The following PRDM12 variants were observed in gnomAD, a reference collection of about 807,000 sequenced individuals.
The protein encoded by PRDM12 is PR domain zinc finger protein 12.
In PRDM12, 17 loss-of-function variants were observed where a neutral mutation model predicts 29.6. That is an observed-to-expected ratio of 0.57 (90% CI 0.39 to 0.86). The LOEUF (loss-of-function observed/expected upper bound fraction) is 0.86. Ranked by LOEUF, PRDM12 falls within the 40% of genes least tolerant of loss-of-function variation. The pLI is 0.00. For missense variants in PRDM12, 422 were observed against 510.8 expected (o/e 0.83, Z 1.68); for synonymous variants, 231 against 225.8 (o/e 1.02, Z -0.21).
Position 130,681,414 on chromosome 9 carries a change from G to A in PRDM12, c.849G>A (p.Ser283=). Residue 283 remains serine, a synonymous_variant, in exon 5 of 5, where the codon TCG becomes TCA. Transcript: ENST00000253008. The surrounding 1 kb of genome is among the most constrained non-coding windows in gnomAD (Gnocchi z 8.1). Reference sequence around the variant, plus strand: ...TCTGCAACCGCCGCTTCAGCCAGTCGTCCACGCTGCGCAACCACGTGCGCC... The same window carrying A: ...TCTGCAACCGCCGCTTCAGCCAGTCATCCACGCTGCGCAACCACGTGCGCC... ...CRFCNRRFSQ[S]STLRNHVRLH... 1.9e-6 allele frequency: 3 copies of A among 1,600,386 alleles called. No individual in the cohort carries two copies. In the African/African-American group the frequency reaches 4.1e-5, roughly 22 times the overall value.
intron 2 of PRDM12, among the ~76,000 whole-genome samples, chr9:130,667,538 C>CA (rs1830745309): frequency 2.0e-5 from 3 of 151,508 alleles, no homozygotes; most frequent in Admixed American, 2.0e-4. Flanking sequence ...CCAGCTCCCC[C>CA]CGGCGGACCC....
intron 3 of PRDM12, among the ~76,000 whole-genome samples, chr9:130,669,942 G>C (rs1161373453): frequency 2.0e-5 from 3 of 152,034 alleles, no homozygotes; most frequent in African/African-American, 7.2e-5. Flanking sequence ...AGGGCTTCCT[G>C]GTAGGGCAGT....
chr9:130,675,794 C>G (rs914979392), intron 3 of PRDM12, among the ~76,000 whole-genome samples: 2 of 152,178 alleles, frequency 1.3e-5, no homozygotes, highest in African/African-American at 4.8e-5. Context: ...GCAGGAACCC[C>G]CTGTGGGGTG....
At position 130,682,673 on chromosome 9, in the gene PRDM12, C is replaced by T. The variant is rs561548577; in HGVS notation, c.*1004C>T. On this transcript the variant is annotated 3_prime_UTR_variant, in exon 5 of 5. Coordinates refer to ENST00000253008, the MANE Select transcript of PRDM12 (RefSeq NM_021619.3). This position sits in a 1 kb window ranked among gnomAD's most constrained non-coding sequence, Gnocchi z 4.2. ...CAGTCTGCCCACACTTCCCTCGGTC[C>T]CTGCCCGTTTCCTCAAATTCGGGCC... The T allele has an allele frequency of 1.3e-5, 2 of 152,544 alleles. No individual in the cohort carries two copies. Among genetic ancestry groups the T allele is most frequent in the South Asian group, 2.1e-4 (1 of 4,826 alleles). The allele number at this position is 152,544 out of a possible 1,614,324, so 9.4% of individuals were successfully genotyped here.
At chr9:130,667,906 C>T (rs1049145360) in intron 2 of PRDM12, among the ~76,000 whole-genome samples, 24 of 152,164 alleles carry the variant, frequency 1.6e-4, no homozygotes, top group African/African-American at 5.8e-4. Context: ...AGGGAGGACA[C>T]GGCAACAGGA....
chr9:130,668,167 G>A lies in PRDM12; in HGVS notation c.424G>A (p.Glu142Lys). 1 of 1,614,172 alleles carries A rather than the reference G, an allele frequency of 6.2e-7. No individual in the cohort carries two copies. Among genetic ancestry groups the A allele is most frequent in the Non-Finnish European group, 8.5e-7 (1 of 1,180,026 alleles). The part of the protein sequence containing the change: ...NNNLMWEVFN[E>K]DGTVRYFIDA... ...ATCCATCTGTGCCCAGGTGTTCAATGAGGATGGCACGGTGCGCTACTTCAT... is the reference window on the plus strand; with the variant it reads ...ATCCATCTGTGCCCAGGTGTTCAATAAGGATGGCACGGTGCGCTACTTCAT... Residue 142 changes from glutamate (E) to lysine (K), a missense_variant, in exon 3 of 5, where the codon GAG (glutamate) becomes AAG (lysine). Physicochemically the swap from Glu to Lys is moderately conservative, Grantham distance 56. Around this residue, in one of 5 missense-constraint regions of PRDM12, gnomAD observed 300 missense variants for 350.0 expected, o/e 0.86. Coordinates refer to ENST00000253008, the MANE Select transcript of PRDM12 (RefSeq NM_021619.3). This position sits in a 1 kb window ranked among gnomAD's most constrained non-coding sequence, Gnocchi z 4.0.
intron 3 of PRDM12, among the ~76,000 whole-genome samples, chr9:130,678,289 T>C (rs941460225): frequency 1.3e-5 from 2 of 151,760 alleles, no homozygotes; most frequent in African/African-American, 4.8e-5. Context: ...AGCACTCCTG[T>C]GGCTGGAGCT....
intron 2 of PRDM12, among the ~76,000 whole-genome samples, chr9:130,667,639 C>T (rs547537207): frequency 2.0e-4 from 30 of 152,290 alleles, no homozygotes; most frequent in Admixed American, 7.2e-4. Context: ...CCACTAACCA[C>T]CTTCTCCAGT....
intron 4 of PRDM12, among the ~76,000 whole-genome samples, chr9:130,680,659 A>ATATATATT: frequency 2.2e-3 from 162 of 72,076 alleles, no homozygotes; most frequent in Non-Finnish European, 2.8e-3. Flanking sequence ...ATATATATAT[A>ATATATATT]TTTTTTTTTT....
Position 130,678,630 on chromosome 9 carries a change from G to T in PRDM12, c.672G>T (p.Lys224Asn). ...CCGGGCTAGAGGAGGACCAGAAAAAGAACAAGCATGGTAGGTGTTCCCCAT... is the reference window on the plus strand; with the variant it reads ...CCGGGCTAGAGGAGGACCAGAAAAATAACAAGCATGGTAGGTGTTCCCCAT... ...GVPGLEEDQK[K>N]NKHEDFHPAD... Residue 224 changes from lysine to asparagine, a missense_variant, in exon 4 of 5, where the codon AAG becomes AAT. By Grantham distance (94) the Lys-to-Asn change is moderately conservative. Coordinates refer to ENST00000253008, the MANE Select transcript of PRDM12 (RefSeq NM_021619.3). The T allele has an allele frequency of 1.2e-6, 2 of 1,608,392 alleles. No homozygotes were observed. The highest frequency in any genetic ancestry group is 1.7e-6 in the Non-Finnish European group (2 of 1,175,190).
At chr9:130,677,616 C>T (rs1830854930) in intron 3 of PRDM12, among the ~76,000 whole-genome samples, 1 of 152,240 alleles carries the variant, frequency 6.6e-6, no homozygotes, top group South Asian at 2.1e-4. Context: ...TCCCTTCTCT[C>T]ATACGCCCTG....
intron 3 of PRDM12, among the ~76,000 whole-genome samples, chr9:130,674,046 G>GA (rs1830814052): frequency 1.2e-5 from 1 of 85,830 alleles, no homozygotes; most frequent in Admixed American, 1.9e-4. Context: ...ACAGAGTCTT[G>GA]CTCTGTCTCC....
chr9:130,670,974 A>C (rs1281230728), intron 3 of PRDM12, among the ~76,000 whole-genome samples: 6 of 152,248 alleles, frequency 3.9e-5, no homozygotes. Context: ...AGGCTGAAGA[A>C]TATCTTCAGG....
At chr9:130,680,651 A>ATT (rs1230089605) in intron 4 of PRDM12, among the ~76,000 whole-genome samples, 1 of 80,176 alleles carries the variant, frequency 1.2e-5, no homozygotes, top group Non-Finnish European at 2.2e-5. Context: ...ATATATATAT[A>ATT]TATATATATT....
chr9:130,681,275 C>T lies in PRDM12; in HGVS notation c.710C>T (p.Ala237Val). The part of the protein sequence containing the change: ...HEDFHPADSA[A>V]GPAGRMRCVI... ...GACTTCCACCCGGCGGACTCGGCGGCTGGCCCCGCGGGCCGCATGCGATGC... is the reference window on the plus strand; with the variant it reads ...GACTTCCACCCGGCGGACTCGGCGGTTGGCCCCGCGGGCCGCATGCGATGC... The change falls in exon 5 of 5, where the codon GCT (alanine) becomes GTT (valine). Residue 237 changes from alanine (A) to valine (V), a missense_variant. Ala to Val is a moderately conservative substitution (Grantham distance 64, BLOSUM62 0). Around this residue, in one of 5 missense-constraint regions of PRDM12, gnomAD observed 300 missense variants for 350.0 expected, o/e 0.86. Transcript: ENST00000253008. This position sits in a 1 kb window ranked among gnomAD's most constrained non-coding sequence, Gnocchi z 8.1. 1.4e-6 allele frequency: 2 copies of T among 1,480,298 alleles called. No homozygotes were observed. Among genetic ancestry groups the T allele is most frequent in the Non-Finnish European group, 1.8e-6 (2 of 1,109,694 alleles). The allele number at this position is 1,480,298 out of a possible 1,614,324, so 91.7% of individuals were successfully genotyped here.
chr9:130,671,011 A>AAAAATGG (rs1487313598), intron 3 of PRDM12, among the ~76,000 whole-genome samples: 4 of 152,180 alleles, frequency 2.6e-5, no homozygotes, highest in Non-Finnish European at 5.9e-5. Flanking sequence ...TAGGATTAGG[A>AAAAATGG]AAAATGGTCA....
intron 3 of PRDM12, among the ~76,000 whole-genome samples, chr9:130,673,196 T>TAAAGCAGTAAAGTCTCA (rs756321788): frequency 0.027 from 4,158 of 152,136 alleles, 109 homozygotes; most frequent in South Asian, 0.099. Flanking sequence ...CAGTAAAGAG[T>TAAAGCAGTAAAGTCTCA]GCTGCCGAGG....
In PRDM12 at chr9:130,664,906, TCCCTCCTCCCGGCGA is replaced by T. The variant is rs1445416507; in HGVS notation, c.223+34_223+48del. The T allele has an allele frequency of 6.7e-7, 1 of 1,496,706 alleles. No homozygotes were observed. The highest frequency in any genetic ancestry group is 8.9e-7 in the Non-Finnish European group (1 of 1,117,362). The allele number at this position is 1,496,706 out of a possible 1,614,324, so 92.7% of individuals were successfully genotyped here. A position where few individuals can be genotyped will look rare whatever the true frequency, so the allele number is the denominator to read the frequency against. The stretch of plus-strand genomic sequence containing the variant: ...GTCCAGCCGTCGGAGCCCGGCGCAA[TCCCTCCTCCCGGCGA>T]CCCCCATTCCCGTCCTGGCGATGCG... On this transcript the variant is annotated intron_variant, in intron 1 of 4. Transcript: ENST00000253008. This position sits in a 1 kb window ranked among gnomAD's most constrained non-coding sequence, Gnocchi z 6.4.
chr9:130,670,358 C>T (rs1039634437), intron 3 of PRDM12, among the ~76,000 whole-genome samples: 2 of 152,052 alleles, frequency 1.3e-5, no homozygotes, highest in African/African-American at 4.8e-5. Flanking sequence ...TTTGGTTGTC[C>T]CTGAATAACA....
Sources: gnomAD v4.1 joint callset for allele counts (sites outside exome capture counted in the v4.1 genomes callset) on GRCh38, gnomAD v4.1.1 for gene constraint, gnomAD v4.1.1 regional missense constraint, Gnocchi (gnomAD v3.1) non-coding constraint, MANE v1.5 for transcripts, NCBI Gene and HGNC (gene_info 2026-07-23, HGNC 2026-07-21) for gene names.